GALM: variants seen among roughly 807,000 people sequenced by gnomAD.
GALM encodes the protein galactose mutarotase, also known as aldose 1-epimerase.
GALM carries 43 observed loss-of-function variants against 37.4 expected under a neutral mutation model. The observed-to-expected ratio is 1.15, with a 90% CI of 0.90 to 1.48. The LOEUF (loss-of-function observed/expected upper bound fraction) is 1.48, where lower values mean the gene tolerates loss of function less well. GALM is among the 40% of genes most tolerant of loss of function. GALM has a pLI of 0.00. For missense variants in GALM, 456 were observed against 419.1 expected (o/e 1.09, Z -0.77); for synonymous variants, 199 against 170.6 (o/e 1.17, Z -1.30).
chr2:38,683,790 C>T (rs370672067), intron 3 of GALM, among the ~76,000 whole-genome samples: 6 of 152,338 alleles, frequency 3.9e-5, no homozygotes, highest in African/African-American at 1.4e-4. Flanking sequence ...TGGTCTCGAA[C>T]TCCTGACCTC....
intron 1 of GALM, among the ~76,000 whole-genome samples, chr2:38,675,397 G>T (rs1665219552): frequency 6.6e-6 from 1 of 152,054 alleles, no homozygotes. Flanking sequence ...AGGATCGTAT[G>T]TAATGAAAGC....
chr2:38,723,982 C>A (rs1478389050), intron 4 of GALM, among the ~76,000 whole-genome samples: 4 of 152,052 alleles, frequency 2.6e-5, no homozygotes, highest in Non-Finnish European at 5.9e-5. Context: ...TGCAGTGGCA[C>A]AATCTCAGCT....
In GALM at chr2:38,733,570, G is replaced by A. The variant is rs574966384; in HGVS notation, c.*5G>A. 5.0e-5 allele frequency: 81 copies of A among 1,609,930 alleles called. No homozygotes were observed. The highest frequency in any genetic ancestry group is 6.5e-5 in the Non-Finnish European group (76 of 1,176,304). ...TTCAAGTTTTCTGTGGCTTAAGGAAGTGTGAAGATATGATCCAGTCCAGGG... is the reference window on the plus strand; with the variant it reads ...TTCAAGTTTTCTGTGGCTTAAGGAAATGTGAAGATATGATCCAGTCCAGGG... On this transcript the variant is annotated 3_prime_UTR_variant, in exon 7 of 7. Coordinates refer to ENST00000272252, the MANE Select transcript of GALM (RefSeq NM_138801.3).
intron 3 of GALM, among the ~76,000 whole-genome samples, chr2:38,684,045 G>T (rs1308924424): frequency 2.0e-5 from 3 of 152,138 alleles, no homozygotes; most frequent in Non-Finnish European, 4.4e-5. Context: ...TGCATCTTCA[G>T]AATATCTCTT....
chr2:38,708,484 G>A (rs1419513745), intron 4 of GALM, among the ~76,000 whole-genome samples: 1 of 151,934 alleles, frequency 6.6e-6, no homozygotes, highest in African/African-American at 2.4e-5. Flanking sequence ...GCTCAAGCCT[G>A]TAATCCCAGC....
intron 4 of GALM, among the ~76,000 whole-genome samples, chr2:38,729,349 G>T (rs1028132456): frequency 3.4e-5 from 5 of 147,484 alleles, no homozygotes; most frequent in African/African-American, 7.5e-5. Flanking sequence ...CACTATGCCT[G>T]GCTAATTTTT....
At chr2:38,678,866 C>G (rs1665324601) in intron 2 of GALM, among the ~76,000 whole-genome samples, 1 of 152,202 alleles carries the variant, frequency 6.6e-6, no homozygotes, top group South Asian at 2.1e-4. Context: ...TTGGCCTCAA[C>G]TCTTCTGTTG....
At chr2:38,708,148 A>AAAATT (rs1206929801) in intron 4 of GALM, among the ~76,000 whole-genome samples, 1 of 151,034 alleles carries the variant, frequency 6.6e-6, no homozygotes, top group Non-Finnish European at 1.5e-5. Context: ...AAAATAAAAT[A>AAAATT]AAAAAGCCTG....
chr2:38,693,843 G>A (rs1426426987), intron 4 of GALM, among the ~76,000 whole-genome samples: 1 of 152,140 alleles, frequency 6.6e-6, no homozygotes, highest in Non-Finnish European at 1.5e-5. Context: ...TAGAACTCAG[G>A]CTCTTAAGTA....
intron 4 of GALM, among the ~76,000 whole-genome samples, chr2:38,711,778 A>ATCACCATCACCATCATCATCAC (rs1666169577): frequency 6.8e-6 from 1 of 146,308 alleles, no homozygotes; most frequent in African/African-American, 2.5e-5. Flanking sequence ...TATCACCATC[A>ATCACCATCACCATCATCATCAC]CTGTCACCAC....
chr2:38,668,544 G>C (rs931025660), intron 1 of GALM: 1 of 152,176 alleles, frequency 6.6e-6, no homozygotes, highest in Non-Finnish European at 1.5e-5. Flanking sequence ...CCAGGGTGCA[G>C]AGGATGGGAA....
intron 2 of GALM, among the ~76,000 whole-genome samples, chr2:38,676,342 G>T (rs1370372631): frequency 6.6e-6 from 1 of 152,048 alleles, no homozygotes; most frequent in Non-Finnish European, 1.5e-5. Flanking sequence ...TTGAGATCAG[G>T]GAGTCGGGTT....
chr2:38,686,276 C>CTTTCTTTCCTTCTTTCT (rs1294189123), intron 3 of GALM, among the ~76,000 whole-genome samples: 6 of 99,120 alleles, frequency 6.1e-5, no homozygotes, highest in African/African-American at 2.6e-4. Flanking sequence ...TTCTTTCTTT[C>CTTTCTTTCCTTCTTTCT]TTATTTTGAG....
intron 1 of GALM, among the ~76,000 whole-genome samples, chr2:38,673,582 G>A (rs1260126338): frequency 1.3e-5 from 2 of 152,252 alleles, no homozygotes; most frequent in East Asian, 1.9e-4. Flanking sequence ...GGGCCGGGGC[G>A]GGTGGATTAC....
At chr2:38,702,435 A>G (rs1665938177) in intron 4 of GALM, among the ~76,000 whole-genome samples, 1 of 151,558 alleles carries the variant, frequency 6.6e-6, no homozygotes, top group South Asian at 2.1e-4. Flanking sequence ...CTCACACCCC[A>G]CCCTGCTGTG....
intron 2 of GALM, 98 bp from the exon 3 acceptor site, chr2:38,681,182 C>G (rs1665385199): frequency 2.0e-6 from 2 of 990,504 alleles, no homozygotes; most frequent in Non-Finnish European, 3.2e-6. Flanking sequence ...GATTGTATAA[C>G]CATTTTCCTT....
chr2:38,723,218 T>G (rs1424988406), intron 4 of GALM, among the ~76,000 whole-genome samples: 1 of 152,214 alleles, frequency 6.6e-6, no homozygotes, highest in Admixed American at 6.5e-5. Context: ...ACTGGGTCAT[T>G]GTCATACCCA....
intron 4 of GALM, among the ~76,000 whole-genome samples, chr2:38,715,672 A>T (rs1182139151): frequency 6.6e-6 from 1 of 152,124 alleles, no homozygotes; most frequent in Admixed American, 6.6e-5. Context: ...GGTTCAAGTG[A>T]TCTGCCCACC....
At chr2:38,693,998 A>C (rs1665743681) in intron 4 of GALM, among the ~76,000 whole-genome samples, 1 of 152,114 alleles carries the variant, frequency 6.6e-6, no homozygotes, top group African/African-American at 2.4e-5. Context: ...TGGGCAACAT[A>C]GGGAGACCCT....
Sources: gnomAD v4.1 joint callset for allele counts (sites outside exome capture counted in the v4.1 genomes callset) on GRCh38, gnomAD v4.1.1 for gene constraint, MANE v1.5 for transcripts, NCBI Gene and HGNC (gene_info 2026-07-23, HGNC 2026-07-21) for gene names.